KIAA1217: variants seen among roughly 807,000 people sequenced by gnomAD.
KIAA1217 encodes the protein KIAA1217.
In KIAA1217, 88 loss-of-function variants were observed where a neutral mutation model predicts 163.9. The ratio of observed to expected loss-of-function variants is 0.54; its 90% confidence interval spans 0.45 to 0.64. KIAA1217 has a LOEUF of 0.64. Ranked by LOEUF, KIAA1217 falls within the 30% of genes least tolerant of loss-of-function variation. The pLI is 0.00. For synonymous variants in KIAA1217, 903 were observed against 923.1 expected, an observed-to-expected ratio of 0.98 and a Z score of 0.39; for missense variants, 2,372 against 2,475.0, an observed-to-expected ratio of 0.96 and a Z score of 0.88.
intron 1 of KIAA1217, among the ~76,000 whole-genome samples, chr10:24,214,631 C>G (rs760346784): frequency 6.6e-5 from 10 of 152,078 alleles, no homozygotes; most frequent in African/African-American, 1.9e-4. Flanking sequence ...GCGTTCTGGT[C>G]GAACACATAG....
intron 6 of KIAA1217, among the ~76,000 whole-genome samples, chr10:24,484,398 C>G (rs1377249526): frequency 6.6e-6 from 1 of 151,152 alleles, no homozygotes; most frequent in Non-Finnish European, 1.5e-5. Flanking sequence ...AAGCCCACCA[C>G]AGTAGCCCAG....
rs530567309 is a variant in KIAA1217 at position 24,184,630 on chromosome 10, A to G, written c.-170-34996A>G. Among the ~76,000 whole-genome samples, 271 of 152,326 alleles carry G rather than the reference A, an allele frequency of 1.8e-3. 1 individual carries two copies. Among genetic ancestry groups the G allele is most frequent in the African/African-American group, 6.3e-3 (263 of 41,584 alleles). ...TTTGGCCTCAAGAAACTCCCAATGC[A>G]CTGATTGCTGTCCAGCAGCAGGATT... On this transcript the variant is annotated intron_variant, in intron 2 of 18. Transcript: ENST00000376462.
At chr10:24,441,378 G>T (rs1036065647) in intron 5 of KIAA1217, among the ~76,000 whole-genome samples, 1 of 152,082 alleles carries the variant, frequency 6.6e-6, no homozygotes, top group Non-Finnish European at 1.5e-5. Context: ...CTCCTCAGGG[G>T]CTCCTGAGAC....
intron 2 of KIAA1217, among the ~76,000 whole-genome samples, chr10:24,123,046 C>T (rs2063341158): frequency 6.6e-6 from 1 of 151,690 alleles, no homozygotes; most frequent in Non-Finnish European, 1.5e-5. Flanking sequence ...TTTTCTCTCC[C>T]CCTTCCTTTC....
rs552784169 is a variant in KIAA1217 at position 23,819,992 on chromosome 10, C to A, written c.-321+124758C>A. 3.9e-5 allele frequency among the ~76,000 whole-genome samples: 6 copies of A among 152,310 alleles called. No homozygotes were observed. In the East Asian group the frequency reaches 5.8e-4, roughly 15 times the overall value. On this transcript the variant is annotated intron_variant, in intron 1 of 18. Coordinates refer to the KIAA1217 transcript ENST00000376462. ...TAGTGCCTATTTCTTTTTAAAACCA[C>A]TAAAACTGATTCTGGGCCCTAGTCA...
chr10:23,879,774 A>T (rs1840868071), intron 1 of KIAA1217, among the ~76,000 whole-genome samples: 1 of 151,950 alleles, frequency 6.6e-6, no homozygotes, highest in Admixed American at 6.6e-5. Context: ...GATGGTAAAA[A>T]GAGTTGCATA....
At chr10:24,474,258 G>A (rs1438063667) in intron 6 of KIAA1217, among the ~76,000 whole-genome samples, 198 bp downstream of exon 6, 1 of 152,168 alleles carries the variant, frequency 6.6e-6, no homozygotes, top group African/African-American at 2.4e-5. Context: ...AGGGGTTACA[G>A]TCATTAAGCC....
chr10:24,194,456 G>C (rs2066889061), intron 2 of KIAA1217, among the ~76,000 whole-genome samples: 1 of 149,630 alleles, frequency 6.7e-6, no homozygotes, highest in African/African-American at 2.5e-5. Flanking sequence ...TAAGTCACTG[G>C]GACTACGGAC....
chr10:23,713,637 G>T (rs1002890814), intron 1 of KIAA1217, among the ~76,000 whole-genome samples: 5 of 152,220 alleles, frequency 3.3e-5, no homozygotes, highest in African/African-American at 9.6e-5. Context: ...AGCCTATGTT[G>T]ATTTGAATGG....
chr10:24,139,139 A>T (rs1564744954), intron 2 of KIAA1217, among the ~76,000 whole-genome samples: 1 of 152,156 alleles, frequency 6.6e-6, no homozygotes, highest in East Asian at 1.9e-4. Context: ...AAAGAGCAAA[A>T]TATATTGATT....
Position 24,230,497 on chromosome 10 carries a change from G to GTTTTT in KIAA1217, c.354+10592_354+10593insTTTTT, listed in dbSNP as rs1466924722. On this transcript the variant is annotated intron_variant, in intron 2 of 20. Coordinates refer to ENST00000376454, the MANE Select transcript of KIAA1217 (RefSeq NM_019590.5). ...CTCTGTTGGGTAGGCACTACTATTT[G>GTTTTT]TTTTGTTTTTTTTTTTTTTTTTTTT... Among the ~76,000 whole-genome samples the GTTTTT allele has an allele frequency of 3.1e-4, 15 of 48,282 alleles. 1 individual carries two copies. The highest frequency in any genetic ancestry group is 1.1e-3 in the African/African-American group (13 of 11,848). The allele number at this position is 48,282 out of a possible 152,430, so 31.7% of individuals were successfully genotyped here.
chr10:24,000,340 T>C lies in KIAA1217; in HGVS notation c.-320-6885T>C, dbSNP rs554071994. 4.5e-4 allele frequency among the ~76,000 whole-genome samples: 68 copies of C among 152,256 alleles called. 1 individual carries two copies. The highest frequency in any genetic ancestry group is 6.5e-4 in the Admixed American group (10 of 15,302). On this transcript the variant is annotated intron_variant, in intron 1 of 18. Transcript: ENST00000376462. ...GCTGTTCTAGTAATAGTGAGTGATT[T>C]ATCACAAGATCTGATGTTTTTATAA...
intron 2 of KIAA1217, among the ~76,000 whole-genome samples, chr10:24,137,056 G>C (rs987152551): frequency 2.0e-5 from 3 of 152,172 alleles, no homozygotes; most frequent in African/African-American, 7.2e-5. Context: ...TGAAGGGATA[G>C]CACTCATTTA....
At chr10:23,864,930 T>G (rs889923844) in intron 1 of KIAA1217, among the ~76,000 whole-genome samples, 1 of 152,088 alleles carries the variant, frequency 6.6e-6, no homozygotes, top group African/African-American at 2.4e-5. Context: ...CTTAAGAACT[T>G]CAACTGATTT....
intron 4 of KIAA1217, among the ~76,000 whole-genome samples, chr10:24,433,500 C>T (rs1401452375): frequency 6.6e-6 from 1 of 152,010 alleles, no homozygotes; most frequent in Non-Finnish European, 1.5e-5. Flanking sequence ...CAGGGTATAG[C>T]TTATAAAAAC....
intron 1 of KIAA1217, among the ~76,000 whole-genome samples, chr10:23,763,233 G>A (rs11013703): frequency 0.14 from 21,329 of 152,094 alleles, 1,842 homozygotes; most frequent in Middle Eastern, 0.18. Flanking sequence ...AACTACCATT[G>A]GCATTCTTCA....
chr10:24,149,357 T>A (rs2064491867), intron 2 of KIAA1217, among the ~76,000 whole-genome samples: 1 of 152,058 alleles, frequency 6.6e-6, no homozygotes. Flanking sequence ...TTTTTTTTTG[T>A]ACTTTTAGTA....
chr10:24,236,320 G>A (rs1039876947), intron 2 of KIAA1217, among the ~76,000 whole-genome samples: 3 of 151,786 alleles, frequency 2.0e-5, no homozygotes, highest in South Asian at 2.1e-4. Context: ...GGGCAGTCTC[G>A]GCTCACTGGA....
Position 23,958,591 on chromosome 10 carries a change from G to A in KIAA1217, c.-320-48634G>A, listed in dbSNP as rs918698912. 2.6e-5 allele frequency among the ~76,000 whole-genome samples: 4 copies of A among 152,128 alleles called. No homozygotes were observed. In the East Asian group the frequency reaches 5.8e-4, roughly 22 times the overall value. ...AATATCAATTTGTTGAGAAAAACGTGACTTTTCCCCTGTGAACAATTCATT... is the reference window on the plus strand; with the variant it reads ...AATATCAATTTGTTGAGAAAAACGTAACTTTTCCCCTGTGAACAATTCATT... On this transcript the variant is annotated intron_variant, in intron 1 of 18. Coordinates refer to the KIAA1217 transcript ENST00000376462.
Sources: gnomAD v4.1 joint callset for allele counts (sites outside exome capture counted in the v4.1 genomes callset) on GRCh38, gnomAD v4.1.1 for gene constraint, MANE v1.5 for transcripts, NCBI Gene and HGNC (gene_info 2026-07-23, HGNC 2026-07-21) for gene names.